FMNL2: variants seen among roughly 807,000 people sequenced by gnomAD.
The protein encoded by FMNL2 is formin-like protein 2.
Under a neutral mutation model 130.2 loss-of-function variants are expected in FMNL2, and 51 were observed. That is an observed-to-expected ratio of 0.39 (90% CI 0.31 to 0.49). The LOEUF is 0.49. Among genes scored for constraint, FMNL2 ranks in the 20% least tolerant of loss-of-function variants. FMNL2 has a pLI of 0.85. For missense variants in FMNL2, 977 were observed against 1,316.2 expected (o/e 0.74, Z 3.99); for synonymous variants, 465 against 467.1 (o/e 1.00, Z 0.06).
chr2:152,490,736 G>GAAGA (rs768803283), intron 1 of FMNL2, among the ~76,000 whole-genome samples: 8 of 117,054 alleles, frequency 6.8e-5, no homozygotes, highest in South Asian at 2.8e-4. Context: ...GGAGTTTAAG[G>GAAGA]AAAAAAAAAA....
chr2:152,410,364 A>G (rs1326014587), intron 1 of FMNL2, among the ~76,000 whole-genome samples: 1 of 152,218 alleles, frequency 6.6e-6, no homozygotes, highest in African/African-American at 2.4e-5. Context: ...TAGTACAGTG[A>G]TAGTCATTGA....
intron 1 of FMNL2, among the ~76,000 whole-genome samples, chr2:152,342,468 A>T (rs916898635): frequency 2.0e-5 from 3 of 152,106 alleles, no homozygotes; most frequent in Non-Finnish European, 2.9e-5. Context: ...ATGGAGTGCC[A>T]CTGCCATCCC....
At chr2:152,540,486 T>TTC (rs1199375506) in intron 2 of FMNL2, among the ~76,000 whole-genome samples, 5 of 151,752 alleles carry the variant, frequency 3.3e-5, no homozygotes, top group Non-Finnish European at 7.4e-5. Context: ...TGAGATAGAG[T>TTC]TCATATACTA....
At position 152,649,398 on chromosome 2, in the gene FMNL2, T is replaced by TAACTA. The variant is rs1234828414; in HGVS notation, c.*1494_*1498dup. ...TATAGTTTTTTTTAATATATATATT[T>TAACTA]AACTATAAGGACAGTTTAGGGAACA... On this transcript the variant is annotated 3_prime_UTR_variant, in exon 26 of 26. Transcript: ENST00000288670. The TAACTA allele has an allele frequency of 1.3e-5, 2 of 152,498 alleles. No individual in the cohort carries two copies. Among genetic ancestry groups the TAACTA allele is most frequent in the African/African-American group, 4.8e-5 (2 of 41,434 alleles). 9.4% of individuals were successfully genotyped at this position (152,498 alleles called of 1,614,324 possible). A position where few individuals can be genotyped will look rare whatever the true frequency, so the allele number is the denominator to read the frequency against.
At chr2:152,494,175 A>G (rs1314608883) in intron 1 of FMNL2, among the ~76,000 whole-genome samples, 1 of 152,232 alleles carries the variant, frequency 6.6e-6, no homozygotes, top group African/African-American at 2.4e-5. Flanking sequence ...CCCAACTGTG[A>G]GGCCAGAGGA....
chr2:152,592,859 C>G (rs146727607), intron 9 of FMNL2, among the ~76,000 whole-genome samples: 1 of 152,082 alleles, frequency 6.6e-6, no homozygotes, highest in African/African-American at 2.4e-5. Context: ...CACACATGTT[C>G]GTATATTGTC....
chr2:152,345,848 G>A (rs969127000), intron 1 of FMNL2, among the ~76,000 whole-genome samples: 5 of 152,132 alleles, frequency 3.3e-5, no homozygotes, highest in African/African-American at 7.2e-5. Context: ...CCTTCCTCTT[G>A]CCAGTGTTTA....
chr2:152,366,940 G>T (rs1456653716), intron 1 of FMNL2, among the ~76,000 whole-genome samples: 1 of 152,152 alleles, frequency 6.6e-6, no homozygotes, highest in Non-Finnish European at 1.5e-5. Context: ...AGCCTTGATT[G>T]CACCACTGTA....
intron 18 of FMNL2, among the ~76,000 whole-genome samples, 166 bp from the exon 19 acceptor site, chr2:152,629,490 C>A (rs1379514587): frequency 2.0e-5 from 3 of 152,174 alleles, no homozygotes; most frequent in Non-Finnish European, 1.5e-5. Flanking sequence ...TGAGACCTAG[C>A]AAGACAATTA....
intron 10 of FMNL2, among the ~76,000 whole-genome samples, chr2:152,609,003 C>G (rs1294493831): frequency 6.6e-6 from 1 of 152,174 alleles, no homozygotes; most frequent in Non-Finnish European, 1.5e-5. Flanking sequence ...AAGATGTCCT[C>G]TCTAGTTTGT....
chr2:152,610,241 AT>A (rs1265832339), intron 10 of FMNL2, among the ~76,000 whole-genome samples: 3 of 152,234 alleles, frequency 2.0e-5, no homozygotes, highest in Non-Finnish European at 4.4e-5. Context: ...TAATTTTCAC[AT>A]TTTGTACAAC....
At chr2:152,451,957 G>A (rs6713348) in intron 1 of FMNL2, among the ~76,000 whole-genome samples, 66,391 of 151,862 alleles carry the variant, frequency 0.44, 16,594 homozygotes, top group East Asian at 0.71. Context: ...CCCCAAACCC[G>A]AAAGAACCCA....
At chr2:152,403,080 G>A (rs1178937550) in intron 1 of FMNL2, among the ~76,000 whole-genome samples, 2 of 152,106 alleles carry the variant, frequency 1.3e-5, no homozygotes, top group African/African-American at 2.4e-5. Flanking sequence ...TTTCTGTGGC[G>A]ATTCAACTGG....
intron 18 of FMNL2, among the ~76,000 whole-genome samples, chr2:152,628,805 AG>A (rs1464820025): frequency 6.6e-6 from 1 of 152,218 alleles, no homozygotes; most frequent in Non-Finnish European, 1.5e-5. Context: ...TCAAAAGGAC[AG>A]GGGACAAAGA....
At chr2:152,357,794 C>T (rs1054039565) in intron 1 of FMNL2, among the ~76,000 whole-genome samples, 10 of 152,190 alleles carry the variant, frequency 6.6e-5, no homozygotes, top group African/African-American at 2.2e-4. Flanking sequence ...GGAGCCTAAC[C>T]GTGTATTTCC....
rs370625758 is a variant in FMNL2, at chr2:152,617,251, C to T, written c.1314+59C>T. ...ACGGTAGGGAATGTACTCCAGCTTTCGTCCAGTGGAACGCAGAGTACCTTC... is the reference window on the plus strand; with the variant it reads ...ACGGTAGGGAATGTACTCCAGCTTTTGTCCAGTGGAACGCAGAGTACCTTC... On this transcript the variant is annotated intron_variant, in intron 13 of 25. Transcript: ENST00000288670. 137 of 1,479,670 alleles carry T rather than the reference C, an allele frequency of 9.3e-5. 3 individuals carry two copies. In the East Asian group the frequency reaches 1.5e-3, roughly 17 times the overall value. The allele number at this position is 1,479,670 out of a possible 1,614,324, so 91.7% of individuals were successfully genotyped here.
intron 1 of FMNL2, among the ~76,000 whole-genome samples, chr2:152,349,187 T>C (rs932528801): frequency 6.6e-5 from 10 of 152,196 alleles, no homozygotes; most frequent in African/African-American, 1.7e-4. Flanking sequence ...ACTGGATGGC[T>C]TGAAGTTATA....
chr2:152,556,052 G>A (rs753000458), intron 4 of FMNL2, among the ~76,000 whole-genome samples: 4 of 151,962 alleles, frequency 2.6e-5, no homozygotes, highest in African/African-American at 4.8e-5. Flanking sequence ...TTATATTTCT[G>A]TAGAAGTTCA....
intron 9 of FMNL2, among the ~76,000 whole-genome samples, chr2:152,596,425 A>G (rs1490896026): frequency 6.6e-6 from 1 of 152,192 alleles, no homozygotes; most frequent in East Asian, 1.9e-4. Context: ...GAATTTTACT[A>G]TTAGTTATCC....
Sources: gnomAD v4.1 joint callset for allele counts (sites outside exome capture counted in the v4.1 genomes callset) on GRCh38, gnomAD v4.1.1 for gene constraint, MANE v1.5 for transcripts, NCBI Gene and HGNC (gene_info 2026-07-23, HGNC 2026-07-21) for gene names.